GAK: variants seen among roughly 807,000 people sequenced by gnomAD.
The protein encoded by GAK is cyclin-G-associated kinase.
GAK carries 79 observed loss-of-function variants against 143.9 expected under a neutral mutation model. The ratio of observed to expected loss-of-function variants is 0.55; its 90% CI spans 0.46 to 0.66. The LOEUF is 0.66. Among genes scored for constraint, GAK ranks in the 30% least tolerant of loss-of-function variants. The pLI, the probability that GAK is intolerant of heterozygous loss-of-function variation, is 0.00. For missense variants in GAK, 1,693 were observed against 1,779.7 expected, an observed-to-expected ratio of 0.95 and a Z score of 0.88; for synonymous variants, 881 against 765.5, an observed-to-expected ratio of 1.15 and a Z score of -2.49.
In GAK at chr4:905,413, C is replaced by T. The variant is rs532585422; in HGVS notation, c.383-634G>A. On this transcript the variant is annotated intron_variant, in intron 4 of 27. Coordinates refer to ENST00000314167, the MANE Select transcript of GAK (RefSeq NM_005255.4). ...AATCAGTGCTCTGCCCTCCCTGGCCCCAGGCCACGCTACAGACTCTGCCAC... is the reference window on the plus strand; with the variant it reads ...AATCAGTGCTCTGCCCTCCCTGGCCTCAGGCCACGCTACAGACTCTGCCAC... Among the ~76,000 whole-genome samples, 5 of 152,288 alleles carry T rather than the reference C, an allele frequency of 3.3e-5. No individual in the cohort carries two copies. The East Asian group carries it at 7.7e-4, about 24-fold the overall frequency.
rs567393361 is a variant in GAK, at chr4:906,466, C to T, written c.383-1687G>A. Among the ~76,000 whole-genome samples, 160 of 152,284 alleles carry T rather than the reference C, an allele frequency of 1.1e-3. 1 individual carries two copies. Among genetic ancestry groups the T allele is most frequent in the Admixed American group, 2.1e-3 (32 of 15,306 alleles). ...CCAGGGATGTGGGGCCGGGGCAGCA[C>T]GCAGGGCTGAGGACCTGCTGGGGAC... is the stretch of plus-strand genomic sequence containing the variant. On this transcript the variant is annotated intron_variant, in intron 4 of 27. Transcript: ENST00000314167.
chr4:883,533 C>T lies in GAK; in HGVS notation c.1256-70G>A, dbSNP rs747870968. The T allele has an allele frequency of 7.7e-5, 120 of 1,556,238 alleles. No homozygotes were observed. In the Middle Eastern group the frequency reaches 8.4e-4, roughly 11 times the overall value. The stretch of plus-strand genomic sequence containing the variant: ...CGTGGCCAGGCTGCTGCTGCGGCCT[C>T]GCTGCTCCTGACGCCCCCGGGCAAG... On this transcript the variant is annotated intron_variant, in intron 12 of 27. Transcript: ENST00000314167.
At chr4:904,565 G>A (rs1720711743) in intron 5 of GAK, 72 bp downstream of exon 5, 1 of 1,472,454 alleles carries the variant, frequency 6.8e-7, no homozygotes, top group East Asian at 2.4e-5. Context: ...CCCTGTGGAT[G>A]ATGGGCGGCT....
intron 23 of GAK, among the ~76,000 whole-genome samples, chr4:864,605 G>A (rs1290998398): frequency 1.3e-5 from 2 of 152,208 alleles, no homozygotes; most frequent in Non-Finnish European, 2.9e-5. Context: ...CACGACTGCT[G>A]TACGTGACCC....
At position 866,967 on chromosome 4, in the gene GAK, G is replaced by C; in HGVS notation, c.2861C>G (p.Pro954Arg). ...ACAGAAACACGTACCAGCGGCAGGG[G>C]GCCCTCCTCTTGGGGTGCTCTGCAC... ...LSVQSTPRGG[P>R]PAAADPFGPL... The change falls in exon 21 of 28, where the codon CCC (proline) becomes CGC (arginine). Residue 954 changes from proline (P) to arginine (R), a missense_variant. Transcript: ENST00000314167. 2 of 1,486,854 alleles carry C rather than the reference G, an allele frequency of 1.3e-6. No homozygotes were observed. The highest frequency in any genetic ancestry group is 1.8e-6 in the Non-Finnish European group (2 of 1,118,244). The allele number at this position is 1,486,854 out of a possible 1,614,324, so 92.1% of individuals were successfully genotyped here.
rs773273692 is a variant in GAK, at chr4:850,075, G to A, written c.3658-7C>T. 29 of 1,561,664 alleles carry A rather than the reference G, an allele frequency of 1.9e-5. No homozygotes were observed. Among genetic ancestry groups the A allele is most frequent in the Non-Finnish European group, 2.4e-5 (27 of 1,145,574 alleles). On this transcript the variant is annotated splice_polypyrimidine_tract_variant and splice_region_variant and intron_variant, in intron 26 of 27. Coordinates refer to ENST00000314167, the MANE Select transcript of GAK (RefSeq NM_005255.4). ...CCTCAATCCAGTCCAGGAGCTGCGG[G>A]AGACACGGAGCTTGCCGAGCCCTGG...
At chr4:868,494 G>C (rs1711542600) in intron 20 of GAK, 45 bp downstream of exon 20, 6 of 1,584,912 alleles carry the variant, frequency 3.8e-6, no homozygotes, top group Non-Finnish European at 5.1e-6. Context: ...CTCCAGACCA[G>C]GGGCCTGCCC....
intron 24 of GAK, among the ~76,000 whole-genome samples, chr4:855,026 A>G (rs1319961398): frequency 6.6e-6 from 1 of 152,242 alleles, no homozygotes; most frequent in Non-Finnish European, 1.5e-5. Context: ...CCTGGGCGAC[A>G]GAGCGAGGCT....
At position 877,633 on chromosome 4, in the gene GAK, T is replaced by C; in HGVS notation, c.1838A>G (p.Gln613Arg). The C allele has an allele frequency of 3.8e-6, 6 of 1,595,668 alleles. No homozygotes were observed. The highest frequency in any genetic ancestry group is 2.2e-5 in the East Asian group (1 of 44,510). ...VGDERVASTS[Q>R]EYDKMRDFKI... is the part of the protein sequence containing the mutation. ...CACTCACCGCATCTTGTCGTACTCC[T>C]GGGAGGTGCTGGCCACACGCTCGTC... Residue 613 changes from glutamine to arginine, a missense_variant, in exon 16 of 28, where the codon CAG (glutamine) becomes CGG (arginine). Gln to Arg is a conservative substitution (Grantham distance 43). Around this residue, in one of 2 missense-constraint regions of GAK, gnomAD observed 871 missense variants for 991.0 expected, o/e 0.88. Transcript: ENST00000314167.
At position 868,578 on chromosome 4, in the gene GAK, C is replaced by G. The variant is rs145911873; in HGVS notation, c.2356G>C (p.Ala786Pro). Residue 786 changes from alanine to proline, a missense_variant, in exon 20 of 28, where the codon GCG (alanine) becomes CCG (proline). This residue lies in a region of GAK where 822 missense variants were observed against 788.7 expected (regional missense o/e 1.04). Transcript: ENST00000314167. ...TDSDSPPSSS[A>P]DASRFLHTLD... Reference sequence around the variant, plus strand: ...GTGTGCAGGAAGCGACTGGCGTCCGCGCTGCTGCTTGGCGGTGAGTCAGAG... The same window carrying G: ...GTGTGCAGGAAGCGACTGGCGTCCGGGCTGCTGCTTGGCGGTGAGTCAGAG... 2.5e-6 allele frequency: 4 copies of G among 1,606,454 alleles called. No individual in the cohort carries two copies. The highest frequency in any genetic ancestry group is 2.3e-5 in the East Asian group (1 of 44,386).
chr4:854,873 A>G (rs530147361), intron 24 of GAK, among the ~76,000 whole-genome samples: 41 of 152,222 alleles, frequency 2.7e-4, no homozygotes, highest in Admixed American at 7.8e-4. Flanking sequence ...GTGAAACCCC[A>G]TCTCTACTAA....
intron 1 of GAK, among the ~76,000 whole-genome samples, chr4:915,088 A>G (rs368425629): frequency 3.1e-5 from 4 of 130,316 alleles, no homozygotes; most frequent in South Asian, 5.2e-4. Context: ...GGCCCCACAC[A>G]CACAGCCCCA....
intron 11 of GAK, among the ~76,000 whole-genome samples, chr4:884,788 G>T (rs970979809): frequency 6.6e-6 from 1 of 152,224 alleles, no homozygotes; most frequent in Non-Finnish European, 1.5e-5. Context: ...CTCCCTCCCA[G>T]GACAGAGCAG....
chr4:898,243 C>T (rs1719183483), intron 5 of GAK, 85 bp from the exon 6 acceptor site: 2 of 1,522,270 alleles, frequency 1.3e-6, no homozygotes, highest in East Asian at 4.6e-5. Flanking sequence ...TGAGACACAG[C>T]CAGGGCCCTT....
rs112665872 is a variant in GAK at position 903,728 on chromosome 4, G to A, written c.525+909C>T. On this transcript the variant is annotated intron_variant, in intron 5 of 27. Coordinates refer to ENST00000314167, the MANE Select transcript of GAK (RefSeq NM_005255.4). ...GGCGGTGGGGGGGCGGCCGAGGAAGGAGTGTGGGGTGAGCAGGAATAGGGT... is the reference window on the plus strand; with the variant it reads ...GGCGGTGGGGGGGCGGCCGAGGAAGAAGTGTGGGGTGAGCAGGAATAGGGT... Among the ~76,000 whole-genome samples, 153 of 142,582 alleles carry A rather than the reference G, an allele frequency of 1.1e-3. 1 individual carries two copies. The highest frequency in any genetic ancestry group is 3.9e-3 in the African/African-American group (148 of 38,098). The allele number at this position is 142,582 out of a possible 152,430, so 93.5% of individuals were successfully genotyped here.
Position 865,228 on chromosome 4 carries a change from C to A in GAK, c.3060G>T (p.Glu1020Asp). The A allele has an allele frequency of 2.5e-6, 4 of 1,613,434 alleles. No individual in the cohort carries two copies. Among genetic ancestry groups the A allele is most frequent in the Non-Finnish European group, 2.5e-6 (3 of 1,179,878 alleles). Residue 1020 changes from glutamate (E) to aspartate (D), a missense_variant, in exon 23 of 28, where the codon GAG becomes GAT. Physicochemically the swap from Glu to Asp is conservative, Grantham distance 45. This residue lies in a region of GAK where 822 missense variants were observed against 788.7 expected (regional missense o/e 1.04). Coordinates refer to ENST00000314167, the MANE Select transcript of GAK (RefSeq NM_005255.4). ...TGGACGAGGCTGTCATCTTGCTGGG[C>A]TCTCCTGGCAGATCCCCTGGGAAGA... The part of the protein sequence containing the change: ...DFLHLGDLPG[E>D]PSKMTASSSN...
chr4:896,074 C>T (rs910549368), intron 7 of GAK, among the ~76,000 whole-genome samples: 12 of 152,102 alleles, frequency 7.9e-5, no homozygotes, highest in African/African-American at 2.4e-4. Flanking sequence ...CCGGCCTGGG[C>T]GACATGGTGA....
At position 911,201 on chromosome 4, in the gene GAK, C is replaced by T. The variant is rs543578024; in HGVS notation, c.382+472G>A. On this transcript the variant is annotated intron_variant, in intron 4 of 27. Coordinates refer to ENST00000314167, the MANE Select transcript of GAK (RefSeq NM_005255.4). ...GGAGTTGTCCACCTCTGCGGCCTCT[C>T]TTCTCCTTGCCAGGACCCCAGAGCC... 1.2e-3 allele frequency among the ~76,000 whole-genome samples: 177 copies of T among 152,290 alleles called. 2 individuals carry two copies. Among genetic ancestry groups the T allele is most frequent in the African/African-American group, 4.0e-3 (167 of 41,542 alleles).
intron 9 of GAK, 141 bp downstream of exon 9, chr4:893,236 A>C: frequency 2.4e-6 from 1 of 421,444 alleles, no homozygotes; most frequent in Non-Finnish European, 4.1e-6. Context: ...TAGGAGACTT[A>C]GGGTTCACGT....
Sources: gnomAD v4.1 joint callset for allele counts (sites outside exome capture counted in the v4.1 genomes callset) on GRCh38, gnomAD v4.1.1 for gene constraint, gnomAD v4.1.1 regional missense constraint, MANE v1.5 for transcripts, NCBI Gene and HGNC (gene_info 2026-07-23, HGNC 2026-07-21) for gene names.